Variants in TBC1D4 observed in about 807,000 individuals in gnomAD.
The protein encoded by TBC1D4 is TBC (Tre-2, BUB2, CDC16) domain-containing protein.
A neutral mutation model predicts 142.5 loss-of-function variants in TBC1D4; 121 were observed. The ratio of observed to expected loss-of-function variants is 0.85; its 90% CI spans 0.73 to 0.99. TBC1D4 has a LOEUF of 0.99. Among genes scored for constraint, TBC1D4 ranks in the 50% least tolerant of loss-of-function variants. The pLI is 0.00. For synonymous variants in TBC1D4, 630 were observed against 628.2 expected (o/e 1.00, Z -0.04); for missense variants, 1,475 against 1,606.6 (o/e 0.92, Z 1.40).
chr13:75,476,781 G>A (rs1008101040), intron 1 of TBC1D4, among the ~76,000 whole-genome samples: 9 of 152,204 alleles, frequency 5.9e-5, no homozygotes, highest in African/African-American at 2.2e-4. Flanking sequence ...TTCTAAAACT[G>A]TGGTCACCCG....
In TBC1D4 at chr13:75,350,507, T is replaced by C. The variant is rs1338623644; in HGVS notation, c.1276-1205A>G. ...TTAATAAAAGTAATTTTTGATAAAA[T>C]GTTATTTTATACTATAAGCAAAAAC... On this transcript the variant is annotated intron_variant, in intron 4 of 20. Transcript: ENST00000377636. 9.2e-5 allele frequency among the ~76,000 whole-genome samples: 14 copies of C among 152,208 alleles called. 1 individual carries two copies. Among genetic ancestry groups the C allele is most frequent in the Admixed American group, 9.2e-4 (14 of 15,286 alleles).
chr13:75,378,288 T>C (rs558564672), intron 1 of TBC1D4, among the ~76,000 whole-genome samples: 1 of 152,300 alleles, frequency 6.6e-6, no homozygotes, highest in African/African-American at 2.4e-5. Context: ...GAATGTTTTG[T>C]TTTAAAATGA....
chr13:75,328,419 T>A (rs144490515), intron 8 of TBC1D4, among the ~76,000 whole-genome samples: 406 of 152,304 alleles, frequency 2.7e-3, no homozygotes, highest in Non-Finnish European at 5.1e-3. Flanking sequence ...TTTTTTCACA[T>A]AGTCCTTTGG....
In TBC1D4 at chr13:75,285,319, G is replaced by A. The variant is rs962324007; in HGVS notation, c.*1473C>T. The A allele has an allele frequency of 6.6e-6, 1 of 152,052 alleles. No homozygotes were observed. Among genetic ancestry groups the A allele is most frequent in the African/African-American group, 2.4e-5 (1 of 41,378 alleles). 9.4% of individuals were successfully genotyped at this position (152,052 alleles called of 1,614,324 possible). A position where few individuals can be genotyped will look rare whatever the true frequency, so the allele number is the denominator to read the frequency against. On this transcript the variant is annotated 3_prime_UTR_variant, in exon 21 of 21. Transcript: ENST00000377636. The stretch of plus-strand genomic sequence containing the variant: ...TTCTACTCTATAATACATTTTCACT[G>A]TGTATAACAAACTCCCTTTGAAGAA...
At chr13:75,347,332 C>T (rs1195222574) in intron 5 of TBC1D4, among the ~76,000 whole-genome samples, 2 of 152,174 alleles carry the variant, frequency 1.3e-5, no homozygotes, top group Non-Finnish European at 2.9e-5. Context: ...TACACAATTT[C>T]CTACTGCGTG....
intron 2 of TBC1D4, 103 bp downstream of exon 2, chr13:75,361,923 G>T: frequency 7.4e-7 from 1 of 1,347,076 alleles, no homozygotes. Flanking sequence ...ATAAAAGTTA[G>T]ATTATTCGTT....
At chr13:75,428,951 C>A (rs1886485712) in intron 1 of TBC1D4, among the ~76,000 whole-genome samples, 1 of 152,182 alleles carries the variant, frequency 6.6e-6, no homozygotes, top group African/African-American at 2.4e-5. Flanking sequence ...CCTCCCTATA[C>A]ACTCCTGCAT....
intron 3 of TBC1D4, among the ~76,000 whole-genome samples, chr13:75,358,809 A>G (rs890349280): frequency 1.3e-5 from 2 of 152,188 alleles, no homozygotes; most frequent in African/African-American, 4.8e-5. Context: ...GGCTGTAATG[A>G]GCCATGATCA....
intron 7 of TBC1D4, among the ~76,000 whole-genome samples, chr13:75,339,993 G>A (rs1054752977): frequency 1.2e-4 from 18 of 152,134 alleles, no homozygotes; most frequent in African/African-American, 4.1e-4. Flanking sequence ...CAGCTCCAAA[G>A]CAAAGACACA....
At chr13:75,387,641 A>C (rs1390860333) in intron 1 of TBC1D4, among the ~76,000 whole-genome samples, 1 of 152,210 alleles carries the variant, frequency 6.6e-6, no homozygotes, top group Non-Finnish European at 1.5e-5. Flanking sequence ...TCACAGTGAC[A>C]AACAGAAGTT....
chr13:75,312,168 G>C (rs1431825), intron 13 of TBC1D4, among the ~76,000 whole-genome samples: 48,257 of 151,892 alleles, frequency 0.32, 8,786 homozygotes, highest in Non-Finnish European at 0.41. Context: ...AAAGAGAGCT[G>C]CCTGTGCTCT....
In TBC1D4 at chr13:75,393,407, G is replaced by A. The variant is rs149964358; in HGVS notation, c.499-30800C>T. On this transcript the variant is annotated intron_variant, in intron 1 of 20. Coordinates refer to ENST00000377636, the MANE Select transcript of TBC1D4 (RefSeq NM_014832.5). ...AAAAATTGTATGGGACATATTGTCT[G>A]CCAGGCTCCGCTCCAAACATTTTAC... Among the ~76,000 whole-genome samples, 286 of 152,176 alleles carry A rather than the reference G, an allele frequency of 1.9e-3. 3 individuals carry two copies. Among genetic ancestry groups the A allele is most frequent in the African/African-American group, 6.6e-3 (272 of 41,512 alleles).
chr13:75,336,019 T>C (rs1012005821), intron 8 of TBC1D4, among the ~76,000 whole-genome samples: 2 of 152,198 alleles, frequency 1.3e-5, no homozygotes, highest in Non-Finnish European at 2.9e-5. Flanking sequence ...TCTATACATA[T>C]ATATTTCTAC....
chr13:75,321,711 T>G (rs1469600), intron 11 of TBC1D4, among the ~76,000 whole-genome samples: 64,968 of 151,838 alleles, frequency 0.43, 14,696 homozygotes, highest in East Asian at 0.66. Flanking sequence ...CATCAATAAT[T>G]CATATGTAGG....
chr13:75,322,743 T>G (rs187820541), intron 11 of TBC1D4, among the ~76,000 whole-genome samples: 12 of 152,344 alleles, frequency 7.9e-5, no homozygotes, highest in African/African-American at 2.9e-4. Context: ...TGTTGTATTC[T>G]TATCAGTAGG....
chr13:75,350,980 G>A (rs1002860761), intron 4 of TBC1D4, among the ~76,000 whole-genome samples: 4 of 152,050 alleles, frequency 2.6e-5, no homozygotes, highest in Admixed American at 1.3e-4. Flanking sequence ...TTAGTGTACC[G>A]TGAATAACTT....
intron 8 of TBC1D4, among the ~76,000 whole-genome samples, chr13:75,336,633 C>T (rs1446203675): frequency 6.6e-6 from 1 of 151,950 alleles, no homozygotes; most frequent in Non-Finnish European, 1.5e-5. Flanking sequence ...CTCCACTACT[C>T]GAGAGGCTGA....
chr13:75,370,754 T>G (rs577075815), intron 1 of TBC1D4, among the ~76,000 whole-genome samples: 1 of 152,142 alleles, frequency 6.6e-6, no homozygotes, highest in Admixed American at 6.6e-5. Context: ...CAGTAGGCAG[T>G]TGATTATATG....
rs546921183 is a variant in TBC1D4 at position 75,346,254 on chromosome 13, G to A, written c.1408+2916C>T. On this transcript the variant is annotated intron_variant, in intron 5 of 20. Transcript: ENST00000377636. ...CGTGCCATGGTGCACCCATCAACCTGTCATCTACATTAGGTATTTCTAGTA... is the reference window on the plus strand; with the variant it reads ...CGTGCCATGGTGCACCCATCAACCTATCATCTACATTAGGTATTTCTAGTA... Among the ~76,000 whole-genome samples the A allele has an allele frequency of 1.4e-3, 200 of 139,918 alleles. No homozygotes were observed. In the Middle Eastern group the frequency reaches 0.014, roughly 10 times the overall value. The allele number at this position is 139,918 out of a possible 152,430, so 91.8% of individuals were successfully genotyped here.
Sources: allele counts gnomAD v4.1 joint callset (sites outside exome capture counted in the v4.1 genomes callset), GRCh38; gene constraint gnomAD v4.1.1; transcripts MANE v1.5; gene names NCBI Gene and HGNC (gene_info 2026-07-23, HGNC 2026-07-21).